Variants in ANO1 observed in about 807,000 individuals in gnomAD.
ANO1 encodes the protein anoctamin 1, also known as anoctamin-1.
ANO1 carries 59 observed loss-of-function variants against 124.0 expected under a neutral mutation model. The ratio of observed to expected loss-of-function variants is 0.48; its 90% CI spans 0.39 to 0.59. The LOEUF (loss-of-function observed/expected upper bound fraction) is 0.59, where lower values mean the gene tolerates loss of function less well. Ranked by LOEUF, ANO1 falls within the 20% of genes least tolerant of loss-of-function variation. The pLI is 0.00. For missense variants in ANO1, 1,059 were observed against 1,328.0 expected (o/e 0.80, Z 3.15); for synonymous variants, 529 against 532.0 (o/e 0.99, Z 0.08).
intron 11 of ANO1, among the ~76,000 whole-genome samples, chr11:70,147,174 G>A (rs868701435): frequency 7.9e-5 from 12 of 152,260 alleles, no homozygotes; most frequent in South Asian, 4.1e-4. Context: ...TGGCCTGGGC[G>A]GGCAGAGGAG....
chr11:70,039,428 C>T (rs934069653), intron 1 of ANO1, among the ~76,000 whole-genome samples: 5 of 152,150 alleles, frequency 3.3e-5, no homozygotes, highest in Admixed American at 6.5e-5. Context: ...CTCAATTATG[C>T]CCTATGCTGG....
At chr11:70,109,118 T>C (rs1183034132) in intron 6 of ANO1, among the ~76,000 whole-genome samples, 1 of 152,156 alleles carries the variant, frequency 6.6e-6, no homozygotes, top group Non-Finnish European at 1.5e-5. Flanking sequence ...CTGAGAGCCG[T>C]GCCATAGGGT....
intron 8 of ANO1, among the ~76,000 whole-genome samples, chr11:70,123,117 G>A (rs1452965030): frequency 5.3e-5 from 8 of 152,186 alleles, no homozygotes. Flanking sequence ...GGAGGAGACA[G>A]GGATGGGGGA....
intron 1 of ANO1, among the ~76,000 whole-genome samples, chr11:70,006,487 C>CA (rs1555000042): frequency 6.6e-6 from 1 of 152,108 alleles, no homozygotes; most frequent in East Asian, 1.9e-4. Flanking sequence ...GAACCCCACA[C>CA]ACAGACCCTG....
intron 1 of ANO1, among the ~76,000 whole-genome samples, chr11:69,995,100 T>TG (rs1565156264): frequency 2.9e-5 from 4 of 139,580 alleles, no homozygotes; most frequent in African/African-American, 7.9e-5. Flanking sequence ...ACTGTTTTTT[T>TG]TTTTTTTTTT....
At chr11:70,078,748 GC>G in intron 1 of ANO1, 34 bp downstream of exon 1, 3 of 1,387,936 alleles carry the variant, frequency 2.2e-6, no homozygotes, top group Non-Finnish European at 2.9e-6. Flanking sequence ...GGGCGGGAGG[GC>G]CGCGCACCTG....
At chr11:70,119,087 C>A (rs1228763658) in intron 8 of ANO1, among the ~76,000 whole-genome samples, 1 of 117,694 alleles carries the variant, frequency 8.5e-6, no homozygotes. Context: ...TTGATGGATG[C>A]TGGAGGGATG....
At chr11:70,072,060 G>A (rs188403081) in intron 1 of ANO1, among the ~76,000 whole-genome samples, 32 of 152,220 alleles carry the variant, frequency 2.1e-4, no homozygotes, top group Admixed American at 1.7e-3. Flanking sequence ...CACACACTCC[G>A]CAGGGCCCAG....
chr11:70,132,202 G>A, intron 11 of ANO1, 123 bp downstream of exon 11: 2 of 1,300,002 alleles, frequency 1.5e-6, no homozygotes, highest in Non-Finnish European at 2.1e-6. Context: ...AAACATAGGG[G>A]AAGGGGGCTG....
intron 1 of ANO1, among the ~76,000 whole-genome samples, chr11:70,014,177 C>A (rs1363298728): frequency 1.3e-5 from 2 of 151,724 alleles, no homozygotes; most frequent in Non-Finnish European, 2.9e-5. Context: ...GGGGGGGAAG[C>A]ACAATTCACT....
chr11:70,137,622 G>A (rs938981861), intron 11 of ANO1, among the ~76,000 whole-genome samples: 4 of 145,716 alleles, frequency 2.7e-5, no homozygotes, highest in African/African-American at 7.3e-5. Flanking sequence ...CCCACTTGAC[G>A]GTCACTGGAT....
At chr11:70,132,858 C>A (rs1450647453) in intron 11 of ANO1, among the ~76,000 whole-genome samples, 2 of 152,254 alleles carry the variant, frequency 1.3e-5, no homozygotes, top group East Asian at 1.9e-4. Context: ...GGCCTGGCCC[C>A]ACGCCGGGCA....
chr11:70,053,895 A>G (rs2135089573), intron 1 of ANO1, among the ~76,000 whole-genome samples: 1 of 152,320 alleles, frequency 6.6e-6, no homozygotes, highest in East Asian at 1.9e-4. Context: ...ACCTCTTCTT[A>G]GGCAAGTGTT....
intron 11 of ANO1, among the ~76,000 whole-genome samples, chr11:70,135,377 G>A (rs1300944413): frequency 6.6e-6 from 1 of 152,144 alleles, no homozygotes; most frequent in African/African-American, 2.4e-5. Context: ...GGGCTTGGCC[G>A]AGCTGGTCTC....
the ANO1 span, among the ~76,000 whole-genome samples, chr11:69,977,589 G>A: frequency 6.6e-6 from 1 of 152,238 alleles, no homozygotes; most frequent in Non-Finnish European, 1.5e-5. Flanking sequence ...TCTGAGGACT[G>A]GGCATTGCCT....
At chr11:70,181,238 C>T (rs1310761986) in intron 23 of ANO1, among the ~76,000 whole-genome samples, 1 of 152,246 alleles carries the variant, frequency 6.6e-6, no homozygotes, top group Non-Finnish European at 1.5e-5. Context: ...CACGGGGTGG[C>T]TCCCCAAAGC....
chr11:70,152,325 A>G (rs1276003997), intron 12 of ANO1, 125 bp from the exon 13 acceptor site: 5 of 885,232 alleles, frequency 5.6e-6, no homozygotes, highest in Admixed American at 2.6e-5. Flanking sequence ...ATAGAGCAAG[A>G]CTCCATCTCA....
Position 70,149,748 on chromosome 11 carries a change from C to A in ANO1, c.1297C>A (p.Arg433=). Residue 433 remains arginine, a synonymous_variant, in exon 12 of 26, where the codon CGA becomes AGA. Coordinates refer to ENST00000355303, the MANE Select transcript of ANO1 (RefSeq NM_018043.7). Reference sequence around the variant, plus strand: ...GGAGCACTGGAAGCGGAAACAGATGCGACTCAACTACCGCTGGGACCTCAC... The same window carrying A: ...GGAGCACTGGAAGCGGAAACAGATGAGACTCAACTACCGCTGGGACCTCAC... The part of the protein sequence containing the change: ...FMEHWKRKQM[R]LNYRWDLTGF... The A allele has an allele frequency of 6.2e-7, 1 of 1,613,680 alleles. No homozygotes were observed. Among genetic ancestry groups the A allele is most frequent in the Non-Finnish European group, 8.5e-7 (1 of 1,179,822 alleles).
At chr11:70,091,690 A>G (rs2044630764) in intron 2 of ANO1, among the ~76,000 whole-genome samples, 1 of 152,170 alleles carries the variant, frequency 6.6e-6, no homozygotes, top group African/African-American at 2.4e-5. Flanking sequence ...TGCAGCAGTC[A>G]TGGAGGCCAC....
Sources: allele counts gnomAD v4.1 joint callset (sites outside exome capture counted in the v4.1 genomes callset), GRCh38; gene constraint gnomAD v4.1.1; transcripts MANE v1.5; gene names NCBI Gene and HGNC (gene_info 2026-07-23, HGNC 2026-07-21).